The following UNC13C variants were observed in gnomAD, a reference collection of about 807,000 sequenced individuals.
UNC13C encodes the protein unc-13 homolog C.
Under a neutral mutation model 245.4 loss-of-function variants are expected in UNC13C, and 174 were observed. The observed-to-expected ratio is 0.71, with a 90% confidence interval of 0.63 to 0.80. The LOEUF is 0.80. Ranked by LOEUF, UNC13C falls within the 30% of genes least tolerant of loss-of-function variation. The pLI, the probability that UNC13C is intolerant of heterozygous loss-of-function variation, is 0.00. For synonymous variants in UNC13C, 992 were observed against 895.1 expected (o/e 1.11, Z -1.93); for missense variants, 2,829 against 2,602.9 (o/e 1.09, Z -1.89).
chr15:54,261,522 GTTTGTTTTGT>G lies in UNC13C; in HGVS notation c.3449-2616_3449-2607del, dbSNP rs10582681. Among the ~76,000 whole-genome samples the G allele has an allele frequency of 5.2e-3, 781 of 150,678 alleles. 7 individuals carry two copies. The highest frequency in any genetic ancestry group is 0.037 in the East Asian group (184 of 5,038). ...AATGCAAAAGTAGAAATTTTTGTTT[GTTTGTTTTGT>G]TTTGTTTTGTTTTGTTTTGTTTTGT... On this transcript the variant is annotated intron_variant, in intron 8 of 32. Coordinates refer to ENST00000260323, the MANE Select transcript of UNC13C (RefSeq NM_001080534.3).
chr15:53,994,837 A>T (rs1373815872), intron 1 of UNC13C, among the ~76,000 whole-genome samples: 1 of 152,146 alleles, frequency 6.6e-6, no homozygotes. Context: ...TTTAAAATAA[A>T]AAAACAAGAT....
At chr15:54,041,164 A>G (rs1217945478) in intron 2 of UNC13C, among the ~76,000 whole-genome samples, 1 of 152,202 alleles carries the variant, frequency 6.6e-6, no homozygotes, top group East Asian at 1.9e-4. Flanking sequence ...ATATTTTAAA[A>G]TATAAGATGG....
intron 19 of UNC13C, among the ~76,000 whole-genome samples, chr15:54,426,699 A>G (rs1344224201): frequency 6.6e-6 from 1 of 151,776 alleles, no homozygotes; most frequent in Non-Finnish European, 1.5e-5. Flanking sequence ...AGTGTTGTTT[A>G]GTCTCAAAGA....
chr15:54,054,078 A>G (rs1595777147), intron 2 of UNC13C, among the ~76,000 whole-genome samples: 1 of 152,236 alleles, frequency 6.6e-6, no homozygotes, highest in Non-Finnish European at 1.5e-5. Flanking sequence ...ATAGTGCTGC[A>G]GTAAACATGG....
chr15:54,203,526 A>G (rs1364999121), intron 4 of UNC13C, among the ~76,000 whole-genome samples: 1 of 142,530 alleles, frequency 7.0e-6, no homozygotes, highest in African/African-American at 2.6e-5. Context: ...ACACATATAT[A>G]TGTATATATA....
intron 4 of UNC13C, among the ~76,000 whole-genome samples, chr15:54,173,689 A>G (rs943443730): frequency 6.6e-6 from 1 of 152,042 alleles, no homozygotes; most frequent in African/African-American, 2.4e-5. Flanking sequence ...TCCAAAGTGT[A>G]TGGGTTTTAC....
the UNC13C span, among the ~76,000 whole-genome samples, chr15:53,920,863 T>C: frequency 6.7e-6 from 1 of 150,330 alleles, no homozygotes; most frequent in East Asian, 1.9e-4. Flanking sequence ...ATGGGAGTCA[T>C]TTTAATCAAA....
intron 4 of UNC13C, among the ~76,000 whole-genome samples, chr15:54,206,368 G>C (rs1161056886): frequency 6.6e-6 from 1 of 152,044 alleles, no homozygotes; most frequent in East Asian, 1.9e-4. Flanking sequence ...GAAAAGGTTT[G>C]GAGATTTTTT....
At chr15:53,941,332 C>T in the UNC13C span, among the ~76,000 whole-genome samples, 1 of 152,108 alleles carries the variant, frequency 6.6e-6, no homozygotes. Flanking sequence ...GAACCCAAAA[C>T]TATAAAAACC....
chr15:54,412,572 T>C (rs1348827786), intron 18 of UNC13C, among the ~76,000 whole-genome samples: 2 of 152,218 alleles, frequency 1.3e-5, no homozygotes, highest in African/African-American at 4.8e-5. Context: ...AATGATACTA[T>C]TATTTTAATT....
chr15:54,112,893 A>C (rs2029916626), intron 2 of UNC13C, among the ~76,000 whole-genome samples: 1 of 152,194 alleles, frequency 6.6e-6, no homozygotes, highest in Non-Finnish European at 1.5e-5. Context: ...TCCACATTAA[A>C]ATGAAAATAC....
intron 28 of UNC13C, among the ~76,000 whole-genome samples, chr15:54,550,441 C>T (rs1896686694): frequency 6.6e-6 from 1 of 152,084 alleles, no homozygotes; most frequent in Admixed American, 6.6e-5. Context: ...GTGTATGTCA[C>T]CTCCCACTTG....
intron 12 of UNC13C, among the ~76,000 whole-genome samples, chr15:54,298,918 A>C (rs1053470466): frequency 6.6e-6 from 1 of 152,130 alleles, no homozygotes; most frequent in Non-Finnish European, 1.5e-5. Flanking sequence ...ATGAAAATTT[A>C]TACATGTAAA....
intron 2 of UNC13C, among the ~76,000 whole-genome samples, chr15:54,023,535 TA>T (rs767959510): frequency 3.3e-5 from 5 of 152,154 alleles, no homozygotes; most frequent in Non-Finnish European, 5.9e-5. Flanking sequence ...AAGATTTTAT[TA>T]GGGGTGAAGA....
chr15:54,522,723 T>C (rs1359082555), intron 24 of UNC13C, among the ~76,000 whole-genome samples: 3 of 152,222 alleles, frequency 2.0e-5, no homozygotes, highest in African/African-American at 7.2e-5. Context: ...TTGAAAACTT[T>C]ATTTTAAATT....
chr15:54,216,626 C>T (rs2035048338), intron 4 of UNC13C, among the ~76,000 whole-genome samples: 1 of 151,804 alleles, frequency 6.6e-6, no homozygotes, highest in South Asian at 2.1e-4. Flanking sequence ...GCAAATATGA[C>T]ACAGAGAGAA....
intron 1 of UNC13C, among the ~76,000 whole-genome samples, chr15:54,011,453 A>G (rs908330613): frequency 6.6e-6 from 1 of 152,200 alleles, no homozygotes; most frequent in Non-Finnish European, 1.5e-5. Flanking sequence ...ATGGGTAGAA[A>G]ATTTTATTCG....
chr15:54,063,309 C>G lies in UNC13C; in HGVS notation c.2983+47423C>G, dbSNP rs141588881. On this transcript the variant is annotated intron_variant, in intron 2 of 32. Coordinates refer to ENST00000260323, the MANE Select transcript of UNC13C (RefSeq NM_001080534.3). ...GGGTAGTTCCAAAGCAAGACACACACGAAGCTGAGTAAGAGGTGTGTGGTG... is the reference window on the plus strand; with the variant it reads ...GGGTAGTTCCAAAGCAAGACACACAGGAAGCTGAGTAAGAGGTGTGTGGTG... 5.0e-3 allele frequency among the ~76,000 whole-genome samples: 757 copies of G among 152,144 alleles called. 5 individuals are homozygous for G. The highest frequency in any genetic ancestry group is 8.9e-3 in the Non-Finnish European group (603 of 68,004).
chr15:54,317,453 A>G (rs1310352108), intron 13 of UNC13C, among the ~76,000 whole-genome samples: 1 of 151,912 alleles, frequency 6.6e-6, no homozygotes, highest in Admixed American at 6.6e-5. Flanking sequence ...TCATCAAGAT[A>G]TTTGCTTAAC....
Sources: gnomAD v4.1 joint callset for allele counts (sites outside exome capture counted in the v4.1 genomes callset) on GRCh38, gnomAD v4.1.1 for gene constraint, MANE v1.5 for transcripts, NCBI Gene and HGNC (gene_info 2026-07-23, HGNC 2026-07-21) for gene names.